The following NOVA1 variants were observed in gnomAD, a reference collection of about 807,000 sequenced individuals.
NOVA1 encodes RNA-binding protein Nova-1.
In NOVA1, 7 loss-of-function variants were observed where a neutral mutation model predicts 38.0. The ratio of observed to expected loss-of-function variants is 0.18; its 90% CI spans 0.10 to 0.35. NOVA1 has a LOEUF of 0.35. Ranked by LOEUF, NOVA1 falls within the 10% of genes least tolerant of loss-of-function variation. The pLI is 1.00. For synonymous variants in NOVA1, 270 were observed against 232.5 expected (o/e 1.16, Z -1.47); for missense variants, 460 against 616.0 (o/e 0.75, Z 2.68).
At chr14:26,460,783 G>A (rs1883594604) in intron 4 of NOVA1, among the ~76,000 whole-genome samples, 1 of 152,104 alleles carries the variant, frequency 6.6e-6, no homozygotes, top group Admixed American at 6.6e-5. Context: ...TTTTATCTGA[G>A]AGAATAATGT....
intron 2 of NOVA1, among the ~76,000 whole-genome samples, chr14:26,579,855 G>A (rs541649869): frequency 6.6e-6 from 1 of 152,116 alleles, no homozygotes; most frequent in South Asian, 2.1e-4. Context: ...CCTTGACAGA[G>A]CCAATATCTT....
chr14:26,496,925 C>T (rs933947342), intron 2 of NOVA1, among the ~76,000 whole-genome samples: 7 of 152,070 alleles, frequency 4.6e-5, no homozygotes, highest in Admixed American at 2.6e-4. Context: ...AGTCAGGTAG[C>T]GTGATGCCTC....
chr14:26,596,727 G>A, intron 1 of NOVA1: 1 of 1,277,374 alleles, frequency 7.8e-7, no homozygotes, highest in African/African-American at 1.5e-5. Context: ...GCACCCCCCT[G>A]AAGACAAATC....
At position 26,472,310 on chromosome 14, in the gene NOVA1, G is replaced by T; in HGVS notation, c.519+10C>A. The T allele has an allele frequency of 6.5e-7, 1 of 1,545,144 alleles. No individual in the cohort carries two copies. Among genetic ancestry groups the T allele is most frequent in the Non-Finnish European group, 8.9e-7 (1 of 1,119,142 alleles). On this transcript the variant is annotated intron_variant, in intron 4 of 4. Transcript: ENST00000539517. Reference sequence around the variant, plus strand: ...AAAAGTATGGTGTAGATGACAGGATGATACTGTACCTGATTAGCTCTGGAG... The same window carrying T: ...AAAAGTATGGTGTAGATGACAGGATTATACTGTACCTGATTAGCTCTGGAG...
At chr14:26,585,247 A>G (rs573891913) in intron 2 of NOVA1, among the ~76,000 whole-genome samples, 24 of 151,430 alleles carry the variant, frequency 1.6e-4, no homozygotes, top group African/African-American at 5.3e-4. Context: ...CCCAAACTCA[A>G]TATCTTCCCT....
chr14:26,531,345 C>T (rs1423482812), intron 2 of NOVA1, among the ~76,000 whole-genome samples: 2 of 152,268 alleles, frequency 1.3e-5, no homozygotes, highest in South Asian at 2.1e-4. Flanking sequence ...CGGTGGCTCA[C>T]GCCTGTAATC....
intron 2 of NOVA1, among the ~76,000 whole-genome samples, chr14:26,580,646 A>G (rs1893153928): frequency 6.6e-6 from 1 of 152,098 alleles, no homozygotes; most frequent in Non-Finnish European, 1.5e-5. Flanking sequence ...ATTCTTATCT[A>G]TAAAAACGAT....
intron 2 of NOVA1, among the ~76,000 whole-genome samples, chr14:26,564,506 TG>T (rs2138694760): frequency 6.6e-6 from 1 of 152,290 alleles, no homozygotes; most frequent in African/African-American, 2.4e-5. Context: ...GGATACTAAG[TG>T]GCAGAAGGCT....
At chr14:26,462,607 CAT>C (rs1491522899) in intron 4 of NOVA1, among the ~76,000 whole-genome samples, 1 of 152,102 alleles carries the variant, frequency 6.6e-6, no homozygotes, top group Non-Finnish European at 1.5e-5. Context: ...AAAAATATTA[CAT>C]ATGTTACACA....
rs1434253680 is a variant in NOVA1, at chr14:26,448,435, C to T, written c.1048G>A (p.Ala350Thr). 6.2e-7 allele frequency: 1 copy of T among 1,611,616 alleles called. No individual in the cohort carries two copies. The highest frequency in any genetic ancestry group is 8.5e-7 in the Non-Finnish European group (1 of 1,179,460). The change falls in exon 5 of 5, where the codon GCC becomes ACC. Residue 350 changes from alanine (A) to threonine (T), a missense_variant. Transcript: ENST00000539517. The surrounding 1 kb of genome is among the most constrained non-coding windows in gnomAD (Gnocchi z 5.3). ...GCTGCTGCTGCTGGGTTGGCACTGG[C>T]AGCTGCTGCAGCCAAAGCCCCTGTT... ...AATGALAAAA[A>T]SANPAAAAAN...
intron 2 of NOVA1, among the ~76,000 whole-genome samples, chr14:26,515,965 T>C (rs944906403): frequency 1.5e-4 from 23 of 152,116 alleles, no homozygotes; most frequent in Non-Finnish European, 2.9e-4. Context: ...CTTTATAGGA[T>C]GCTCCAAAAT....
intron 2 of NOVA1, among the ~76,000 whole-genome samples, chr14:26,524,450 C>T (rs1339226685): frequency 6.6e-6 from 1 of 151,978 alleles, no homozygotes; most frequent in Non-Finnish European, 1.5e-5. Context: ...TCCACTAATG[C>T]TTTAATATTA....
intron 3 of NOVA1, among the ~76,000 whole-genome samples, chr14:26,473,912 A>T (rs1016327760): frequency 5.9e-5 from 9 of 152,000 alleles, no homozygotes; most frequent in African/African-American, 2.2e-4. Flanking sequence ...GTTTTTTATA[A>T]TTAATTCTTG....
intron 2 of NOVA1, among the ~76,000 whole-genome samples, chr14:26,484,161 G>A (rs1885682557): frequency 6.6e-6 from 1 of 151,908 alleles, no homozygotes; most frequent in Non-Finnish European, 1.5e-5. Flanking sequence ...TTGGCCGGGT[G>A]CGGTGGCTCA....
rs180846569 is a variant in NOVA1, at chr14:26,491,927, C to T, written c.281-11784G>A. 3.3e-5 allele frequency among the ~76,000 whole-genome samples: 5 copies of T among 151,430 alleles called. No individual in the cohort carries two copies. The East Asian group carries it at 9.7e-4, about 29-fold the overall frequency. On this transcript the variant is annotated intron_variant, in intron 2 of 4. Transcript: ENST00000539517. ...ATCTATTCTAGGAACCTTGCAATTC[C>T]GTATGCATTTTCAGAATCAGGCTTC...
At chr14:26,468,570 A>G (rs1014998524) in intron 4 of NOVA1, among the ~76,000 whole-genome samples, 3 of 152,218 alleles carry the variant, frequency 2.0e-5, no homozygotes, top group Non-Finnish European at 4.4e-5. Flanking sequence ...TAGAAAACTA[A>G]TACAGGATTG....
At position 26,577,791 on chromosome 14, in the gene NOVA1, T is replaced by A. The variant is rs897504327; in HGVS notation, c.280+17619A>T. Among the ~76,000 whole-genome samples, 5 of 152,048 alleles carry A rather than the reference T, an allele frequency of 3.3e-5. 1 individual carries two copies. The highest frequency in any genetic ancestry group is 1.5e-5 in the Non-Finnish European group (1 of 67,960). ...AAGAGAAAGATCAGAATATTTAAAATCATATTTAATTCTAACATACATATT... is the reference window on the plus strand; with the variant it reads ...AAGAGAAAGATCAGAATATTTAAAAACATATTTAATTCTAACATACATATT... On this transcript the variant is annotated intron_variant, in intron 2 of 4. Transcript: ENST00000539517.
chr14:26,562,097 T>G (rs1891866165), intron 2 of NOVA1, among the ~76,000 whole-genome samples: 1 of 152,178 alleles, frequency 6.6e-6, no homozygotes, highest in South Asian at 2.1e-4. Context: ...TCTAGTGACT[T>G]GCCTTATTGG....
intron 2 of NOVA1, among the ~76,000 whole-genome samples, chr14:26,507,173 C>T (rs1029075070): frequency 7.9e-5 from 12 of 151,904 alleles, no homozygotes; most frequent in African/African-American, 2.7e-4. Context: ...GCACAATTCT[C>T]GAACATTAAG....
Sources: gnomAD v4.1 joint callset for allele counts (sites outside exome capture counted in the v4.1 genomes callset) on GRCh38, gnomAD v4.1.1 for gene constraint, Gnocchi (gnomAD v3.1) non-coding constraint, MANE v1.5 for transcripts, NCBI Gene and HGNC (gene_info 2026-07-23, HGNC 2026-07-21) for gene names.